The following ELSPBP1 variants were observed in gnomAD, a reference collection of about 807,000 sequenced individuals.
ELSPBP1 encodes epididymal sperm binding protein 1.
Under a neutral mutation model 33.3 loss-of-function variants are expected in ELSPBP1, and 38 were observed. The observed-to-expected ratio is 1.14, with a 90% CI of 0.88 to 1.50. ELSPBP1 has a LOEUF of 1.50. Among genes scored for constraint, ELSPBP1 ranks in the 40% most tolerant of loss-of-function variants. ELSPBP1 has a pLI of 0.00. For synonymous variants in ELSPBP1, 85 were observed against 94.1 expected (o/e 0.90, Z 0.56); for missense variants, 267 against 263.5 (o/e 1.01, Z -0.09).
At chr19:48,024,231 A>G (rs1967246622) in intron 6 of ELSPBP1, among the ~76,000 whole-genome samples, 1 of 151,914 alleles carries the variant, frequency 6.6e-6, no homozygotes. Flanking sequence ...ATTCTTCACA[A>G]AGGACCAGCT....
chr19:48,010,676 A>G (rs182438211), intron 2 of ELSPBP1, among the ~76,000 whole-genome samples: 1 of 152,264 alleles, frequency 6.6e-6, no homozygotes, highest in East Asian at 1.9e-4. Flanking sequence ...AAGAGAGGAA[A>G]GGCATTCAGG....
intron 1 of ELSPBP1, among the ~76,000 whole-genome samples, chr19:48,001,718 T>G (rs965457738): frequency 2.6e-5 from 4 of 151,812 alleles, no homozygotes; most frequent in African/African-American, 9.7e-5. Context: ...TCTTTCTTTT[T>G]TTTTTTAAGA....
chr19:48,016,531 C>T (rs187564756), intron 4 of ELSPBP1, among the ~76,000 whole-genome samples: 411 of 34,054 alleles, frequency 0.012, no homozygotes, highest in Admixed American at 0.017. Context: ...TTTCTTTCTT[C>T]CTTCCTTCCT....
intron 6 of ELSPBP1, 36 bp downstream of exon 6, chr19:48,022,370 T>A (rs747979698): frequency 3.8e-6 from 6 of 1,561,130 alleles, no homozygotes; most frequent in Non-Finnish European, 5.2e-6. Context: ...ATTTCACGGA[T>A]GCAGAGGTGA....
intron 1 of ELSPBP1, among the ~76,000 whole-genome samples, chr19:47,997,173 T>A (rs1351180327): frequency 1.3e-5 from 2 of 152,200 alleles, no homozygotes; most frequent in Non-Finnish European, 2.9e-5. Context: ...GGCACAGCGC[T>A]TTGCTCTATA....
chr19:48,002,828 C>T (rs1204751667), intron 1 of ELSPBP1, among the ~76,000 whole-genome samples: 2 of 152,130 alleles, frequency 1.3e-5, no homozygotes, highest in Admixed American at 1.3e-4. Flanking sequence ...ATGCTGTCTT[C>T]ATAAATAGTA....
chr19:48,006,386 G>T (rs1429508035), intron 1 of ELSPBP1, among the ~76,000 whole-genome samples: 2 of 152,002 alleles, frequency 1.3e-5, no homozygotes, highest in Non-Finnish European at 2.9e-5. Flanking sequence ...GGCCGAGGCG[G>T]GTGGATCATT....
At position 48,008,079 on chromosome 19, in the gene ELSPBP1, A is replaced by G. The variant is rs539337271; in HGVS notation, c.-17-572A>G. ...TGTGTGAGCATCATAGAGTGTACTC[A>G]CACGAACCTAGATGGTAGTGCCTGC... is the stretch of plus-strand genomic sequence containing the variant. On this transcript the variant is annotated intron_variant, in intron 1 of 6. Coordinates refer to ENST00000339841, the MANE Select transcript of ELSPBP1 (RefSeq NM_022142.5). 3.3e-5 allele frequency among the ~76,000 whole-genome samples: 5 copies of G among 152,314 alleles called. 1 individual carries two copies. In the South Asian group the frequency reaches 1.0e-3, roughly 32 times the overall value.
intron 6 of ELSPBP1, 191 bp downstream of exon 6, chr19:48,022,525 C>T: frequency 2.2e-6 from 1 of 456,770 alleles, no homozygotes. Context: ...ATGCGGGCTC[C>T]TGTTGTCAAA....
rs985830930 is a variant in ELSPBP1 at position 47,994,735 on chromosome 19, T to A, written c.-94T>A. ...CAAAGCCATTCAACCAATCCCCAGA[T>A]AATCCAGAGCTCTTGGGAGCAGAAC... On this transcript the variant is annotated 5_prime_UTR_variant, in exon 1 of 7. Coordinates refer to ENST00000339841, the MANE Select transcript of ELSPBP1 (RefSeq NM_022142.5). The A allele has an allele frequency of 6.6e-6, 1 of 152,188 alleles. No individual in the cohort carries two copies. The highest frequency in any genetic ancestry group is 2.4e-5 in the African/African-American group (1 of 41,422). 9.4% of individuals were successfully genotyped at this position (152,188 alleles called of 1,614,324 possible). A position where few individuals can be genotyped will look rare whatever the true frequency, so the allele number is the denominator to read the frequency against.
chr19:48,002,402 C>G (rs1490120167), intron 1 of ELSPBP1, among the ~76,000 whole-genome samples: 1 of 152,086 alleles, frequency 6.6e-6, no homozygotes, highest in Non-Finnish European at 1.5e-5. Context: ...GGTTTTGGGC[C>G]AGGCAGGAAT....
rs528865840 is a variant in ELSPBP1 at position 47,998,633 on chromosome 19, A to C, written c.-18+3822A>C. Reference sequence around the variant, plus strand: ...AACCCCGTCTTTACTAAAAATACAAAAAAATCAGCCGAGCGTGGTGGTGGG... The same window carrying C: ...AACCCCGTCTTTACTAAAAATACAACAAAATCAGCCGAGCGTGGTGGTGGG... On this transcript the variant is annotated intron_variant, in intron 1 of 6. Transcript: ENST00000339841. Among the ~76,000 whole-genome samples the C allele has an allele frequency of 2.6e-5, 4 of 151,610 alleles. No individual in the cohort carries two copies. In the East Asian group the frequency reaches 7.9e-4, roughly 30 times the overall value.
rs1555734620 is a variant in ELSPBP1, at chr19:48,006,648, G to GAAAAGAA, written c.-17-1999_-17-1993dup. On this transcript the variant is annotated intron_variant, in intron 1 of 6. Coordinates refer to ENST00000339841, the MANE Select transcript of ELSPBP1 (RefSeq NM_022142.5). The stretch of plus-strand genomic sequence containing the variant: ...AAAAAAAAAAAAAAAAAAAAAAAAA[G>GAAAAGAA]AAAAGAAAAAGAAAATTTAAGTAAT... Among the ~76,000 whole-genome samples the GAAAAGAA allele has an allele frequency of 3.6e-3, 435 of 119,316 alleles. 7 individuals are homozygous for GAAAAGAA. The highest frequency in any genetic ancestry group is 0.01 in the African/African-American group (324 of 31,884). 78.3% of individuals were successfully genotyped at this position (119,316 alleles called of 152,430 possible).
intron 1 of ELSPBP1, among the ~76,000 whole-genome samples, chr19:47,996,122 G>T (rs924566765): frequency 1.3e-5 from 2 of 152,184 alleles, no homozygotes; most frequent in Non-Finnish European, 2.9e-5. Context: ...AGATGATAGG[G>T]TTCTTGAATA....
intron 1 of ELSPBP1, among the ~76,000 whole-genome samples, chr19:48,000,109 A>G (rs944538115): frequency 2.0e-5 from 3 of 150,558 alleles, no homozygotes; most frequent in Non-Finnish European, 4.4e-5. Context: ...TACAGGCCTG[A>G]GCCCGCACGC....
intron 1 of ELSPBP1, among the ~76,000 whole-genome samples, chr19:48,004,786 A>C (rs1378000941): frequency 1.3e-5 from 2 of 152,224 alleles, no homozygotes; most frequent in African/African-American, 4.8e-5. Context: ...CAGCCCCACG[A>C]AGGCAGGGCC....
intron 2 of ELSPBP1, among the ~76,000 whole-genome samples, chr19:48,013,570 T>A (rs56965307): frequency 0.17 from 25,474 of 151,872 alleles, 2,211 homozygotes; most frequent in South Asian, 0.23. Context: ...TACAAAAATT[T>A]GCTAGGTGTG....
chr19:47,999,979 T>C (rs909500844), intron 1 of ELSPBP1, among the ~76,000 whole-genome samples: 1 of 151,742 alleles, frequency 6.6e-6, no homozygotes, highest in South Asian at 2.1e-4. Context: ...TGCACCATCT[T>C]GCTCAACTAA....
chr19:48,011,074 G>C lies in ELSPBP1; in HGVS notation c.70+2337G>C, dbSNP rs1334584681. Among the ~76,000 whole-genome samples the C allele has an allele frequency of 6.6e-6, 1 of 151,824 alleles. No homozygotes were observed. The highest frequency in any genetic ancestry group is 2.4e-5 in the African/African-American group (1 of 41,326). ...ATATGACGATGATGACAATGATGAC[G>C]GTAATGATGACAACAATAATAGCGA... On this transcript the variant is annotated intron_variant, in intron 2 of 6. Transcript: ENST00000339841. The surrounding 1 kb of genome is among the most constrained non-coding windows in gnomAD (Gnocchi z 4.5).
Sources: allele counts gnomAD v4.1 joint callset (sites outside exome capture counted in the v4.1 genomes callset), GRCh38; gene constraint gnomAD v4.1.1; non-coding constraint Gnocchi (gnomAD v3.1); transcripts MANE v1.5; gene names NCBI Gene and HGNC (gene_info 2026-07-23, HGNC 2026-07-21).